The following TTC28 variants were observed in gnomAD, a reference collection of about 807,000 sequenced individuals.
TTC28 encodes tetratricopeptide repeat protein 28.
Under a neutral mutation model 198.0 loss-of-function variants are expected in TTC28, and 61 were observed. The ratio of observed to expected loss-of-function variants is 0.31; its 90% confidence interval spans 0.25 to 0.38. The LOEUF (loss-of-function observed/expected upper bound fraction) is 0.38. Ranked by LOEUF, TTC28 falls within the 10% of genes least tolerant of loss-of-function variation. TTC28 has a pLI of 1.00. For synonymous variants in TTC28, 1,171 were observed against 1,297.8 expected (o/e 0.90, Z 2.10); for missense variants, 2,678 against 3,164.0 (o/e 0.85, Z 3.69).
At chr22:28,352,329 A>ATATATG (rs986259803) in intron 2 of TTC28, among the ~76,000 whole-genome samples, 2 of 150,602 alleles carry the variant, frequency 1.3e-5, no homozygotes, top group African/African-American at 2.4e-5. Flanking sequence ...ATATATATAT[A>ATATATG]TATATATCTC....
chr22:28,505,688 C>A (rs1391852202), intron 2 of TTC28, among the ~76,000 whole-genome samples: 3 of 152,210 alleles, frequency 2.0e-5, no homozygotes, highest in South Asian at 2.1e-4. Context: ...GAAGTTTTAC[C>A]TACTTCAGCC....
At chr22:28,436,051 AACC>A (rs2047515417) in intron 2 of TTC28, among the ~76,000 whole-genome samples, 2 of 152,214 alleles carry the variant, frequency 1.3e-5, no homozygotes, top group Admixed American at 1.3e-4. Context: ...AATATTACAC[AACC>A]ACCACCTCAT....
chr22:28,671,446 T>C (rs1177187290), intron 1 of TTC28, among the ~76,000 whole-genome samples: 1 of 151,668 alleles, frequency 6.6e-6, no homozygotes, highest in African/African-American at 2.4e-5. Context: ...CCATCCTATC[T>C]AACACAGTGA....
At chr22:28,001,629 C>G in intron 14 of TTC28, 76 bp from the exon 15 acceptor site, 3 of 1,484,486 alleles carry the variant, frequency 2.0e-6, no homozygotes, top group Non-Finnish European at 2.7e-6. Context: ...CAACCCTGAG[C>G]CCTAGCCTGG....
At chr22:28,164,779 C>A (rs1036340191) in intron 5 of TTC28, among the ~76,000 whole-genome samples, 3 of 152,134 alleles carry the variant, frequency 2.0e-5, no homozygotes, top group African/African-American at 7.2e-5. Flanking sequence ...AACAATGGAA[C>A]AAAGCTGAAT....
chr22:28,358,039 T>G (rs2046104673), intron 2 of TTC28, among the ~76,000 whole-genome samples: 1 of 152,238 alleles, frequency 6.6e-6, no homozygotes, highest in South Asian at 2.1e-4. Context: ...CTTTATATAA[T>G]TCAGTCTTTC....
intron 2 of TTC28, among the ~76,000 whole-genome samples, chr22:28,433,364 C>G (rs989874566): frequency 2.6e-5 from 4 of 152,112 alleles, no homozygotes; most frequent in African/African-American, 9.7e-5. Flanking sequence ...CCAGTGGATA[C>G]GGCCCTCCCC....
Position 28,675,737 on chromosome 22 carries a change from A to ACTCG in TTC28, c.102+3884_102+3885insCGAG, listed in dbSNP as rs879334715. ...CTGGGCGACAGAGTGAAACCCTGTCACACACACACACACACACACACACAC... is the reference window on the plus strand; with the variant it reads ...CTGGGCGACAGAGTGAAACCCTGTCACTCGCACACACACACACACACACACACAC... On this transcript the variant is annotated intron_variant, in intron 1 of 22. Transcript: ENST00000397906. Among the ~76,000 whole-genome samples the ACTCG allele has an allele frequency of 4.8e-3, 603 of 124,828 alleles. 3 individuals carry two copies. The highest frequency in any genetic ancestry group is 6.9e-3 in the African/African-American group (209 of 30,120). 81.9% of individuals were successfully genotyped at this position (124,828 alleles called of 152,430 possible).
chr22:28,042,919 C>A (rs758837247), intron 12 of TTC28, among the ~76,000 whole-genome samples: 7 of 152,010 alleles, frequency 4.6e-5, no homozygotes, highest in Non-Finnish European at 8.8e-5. Context: ...AGCTTTGGAG[C>A]GAGCTCTGAC....
intron 2 of TTC28, among the ~76,000 whole-genome samples, chr22:28,351,819 G>A (rs913506151): frequency 6.6e-6 from 1 of 152,162 alleles, no homozygotes; most frequent in Non-Finnish European, 1.5e-5. Context: ...AGAATTTCAC[G>A]AAGAGACACA....
chr22:28,314,996 T>C (rs902492259), intron 2 of TTC28, among the ~76,000 whole-genome samples: 5 of 152,174 alleles, frequency 3.3e-5, no homozygotes, highest in African/African-American at 9.7e-5. Flanking sequence ...TGAGGAATAT[T>C]TGCTGCTTTT....
intron 2 of TTC28, among the ~76,000 whole-genome samples, chr22:28,363,961 T>G (rs1008911692): frequency 1.3e-5 from 2 of 152,256 alleles, no homozygotes; most frequent in East Asian, 1.9e-4. Context: ...TTGTTTTGGA[T>G]GAGACTTTGG....
rs560548810 is a variant in TTC28 at position 28,516,530 on chromosome 22, C to T, written c.381+113022G>A. On this transcript the variant is annotated intron_variant, in intron 2 of 22. Coordinates refer to ENST00000397906, the MANE Select transcript of TTC28 (RefSeq NM_001145418.2). ...CAAGGACAGAAAACCAAACACCGCA[C>T]GTTTTCACTCATAGGTAGGAACTGA... Among the ~76,000 whole-genome samples, 10 of 146,738 alleles carry T rather than the reference C, an allele frequency of 6.8e-5. 1 individual carries two copies. Among genetic ancestry groups the T allele is most frequent in the African/African-American group, 2.5e-4 (10 of 39,612 alleles).
chr22:28,209,277 G>C, intron 5 of TTC28, among the ~76,000 whole-genome samples: 1 of 152,208 alleles, frequency 6.6e-6, no homozygotes, highest in Middle Eastern at 3.4e-3. Flanking sequence ...TGAGGTTGTT[G>C]GACTGAGGCT....
intron 2 of TTC28, among the ~76,000 whole-genome samples, chr22:28,441,826 G>C (rs2047626193): frequency 6.7e-6 from 1 of 148,738 alleles, no homozygotes; most frequent in African/African-American, 2.5e-5. Flanking sequence ...CATTCAGTTT[G>C]CTATGTTTTC....
chr22:28,638,257 A>G (rs1456494279), intron 1 of TTC28, among the ~76,000 whole-genome samples: 1 of 152,180 alleles, frequency 6.6e-6, no homozygotes, highest in East Asian at 1.9e-4. Flanking sequence ...TATAAATTCT[A>G]TTATAAATTT....
Position 27,982,472 on chromosome 22 carries a change from G to T in TTC28, c.7195C>A (p.Pro2399Thr). 5.8e-6 allele frequency: 9 copies of T among 1,551,672 alleles called. No individual in the cohort carries two copies. Among genetic ancestry groups the T allele is most frequent in the Non-Finnish European group, 7.8e-6 (9 of 1,147,002 alleles). The change falls in exon 23 of 23, where the codon CCA becomes ACA. Residue 2399 changes from proline to threonine, a missense_variant. Pro to Thr is a conservative substitution (Grantham distance 38). This residue lies in a region of TTC28 where 622 missense variants were observed against 656.0 expected (regional missense o/e 0.95). Coordinates refer to ENST00000397906, the MANE Select transcript of TTC28 (RefSeq NM_001145418.2). This position sits in a 1 kb window ranked among gnomAD's most constrained non-coding sequence, Gnocchi z 5.2. ...RDVLSLLNLSPRHNKKEEGVD... is the reference protein window; with the variant it reads ...RDVLSLLNLSTRHNKKEEGVD... ...CCCTCCTCCTTCTTATTGTGCCGTG[G>T]TGACAAATTCAACAGACTGAGGACA...
At chr22:28,358,575 G>A (rs1037145914) in intron 2 of TTC28, among the ~76,000 whole-genome samples, 1 of 152,178 alleles carries the variant, frequency 6.6e-6, no homozygotes, top group Admixed American at 6.6e-5. Context: ...TGCAACACAA[G>A]AGGAATCAAC....
chr22:28,205,230 G>A (rs1569196998), intron 5 of TTC28, among the ~76,000 whole-genome samples: 1 of 151,956 alleles, frequency 6.6e-6, no homozygotes, highest in Admixed American at 6.6e-5. Context: ...ACAGAGACCG[G>A]GGGGAGAGAG....
Sources: gnomAD v4.1 joint callset for allele counts (sites outside exome capture counted in the v4.1 genomes callset) on GRCh38, gnomAD v4.1.1 for gene constraint, gnomAD v4.1.1 regional missense constraint, Gnocchi (gnomAD v3.1) non-coding constraint, MANE v1.5 for transcripts, NCBI Gene and HGNC (gene_info 2026-07-23, HGNC 2026-07-21) for gene names.